The following ABHD2 variants were observed in gnomAD, a reference collection of about 807,000 sequenced individuals.
ABHD2 encodes the protein monoacylglycerol lipase ABHD2.
Under a neutral mutation model 48.1 loss-of-function variants are expected in ABHD2, and 20 were observed. The ratio of observed to expected loss-of-function variants is 0.42; its 90% CI spans 0.29 to 0.60. ABHD2 has a LOEUF of 0.60. ABHD2 is among the 20% of genes least tolerant of loss of function. The pLI, the probability that ABHD2 is intolerant of heterozygous loss-of-function variation, is 0.24. For synonymous variants in ABHD2, 209 were observed against 214.2 expected (o/e 0.98, Z 0.21); for missense variants, 405 against 550.9 (o/e 0.74, Z 2.65).
At chr15:89,060,119 T>C in the ABHD2 span, among the ~76,000 whole-genome samples, 7 of 135,752 alleles carry the variant, frequency 5.2e-5, no homozygotes, top group African/African-American at 1.7e-4. Flanking sequence ...AGACAGAGTT[T>C]CGCTCTTGTT....
At chr15:89,101,266 G>A (rs1028722509) in intron 1 of ABHD2, among the ~76,000 whole-genome samples, 3 of 152,162 alleles carry the variant, frequency 2.0e-5, no homozygotes, top group African/African-American at 7.2e-5. Flanking sequence ...AATATGCCTT[G>A]GGACAGTAAC....
At chr15:89,131,801 G>A (rs1425723402) in intron 3 of ABHD2, among the ~76,000 whole-genome samples, 1 of 152,134 alleles carries the variant, frequency 6.6e-6, no homozygotes, top group Non-Finnish European at 1.5e-5. Context: ...TGGGCGAGGG[G>A]AAAATGTAAG....
chr15:89,051,097 G>C, the ABHD2 span, among the ~76,000 whole-genome samples: 1 of 152,182 alleles, frequency 6.6e-6, no homozygotes, highest in Non-Finnish European at 1.5e-5. Flanking sequence ...GCTGGGCGTG[G>C]TGGTGCGCGC....
the ABHD2 span, among the ~76,000 whole-genome samples, chr15:89,045,705 G>T: frequency 8.7e-6 from 1 of 114,544 alleles, no homozygotes; most frequent in Non-Finnish European, 1.9e-5. Context: ...TCTGTCTGTT[G>T]TTGGTGTATG....
At chr15:89,080,629 G>A in the ABHD2 span, among the ~76,000 whole-genome samples, 1 of 152,006 alleles carries the variant, frequency 6.6e-6, no homozygotes, top group East Asian at 1.9e-4. Context: ...GGAGGCTAAC[G>A]GCTGTATGTG....
intron 5 of ABHD2, among the ~76,000 whole-genome samples, chr15:89,163,790 C>T (rs558931042): frequency 6.6e-6 from 1 of 152,322 alleles, no homozygotes; most frequent in Non-Finnish European, 1.5e-5. Flanking sequence ...GTTGTGAATA[C>T]TTTGTAGGAT....
rs2050813595 is a variant in ABHD2 at position 89,164,802 on chromosome 15, TAA to T, written c.538+9271_538+9272del. On this transcript the variant is annotated intron_variant, in intron 5 of 10. Coordinates refer to ENST00000352732, the MANE Select transcript of ABHD2 (RefSeq NM_152924.5). The surrounding 1 kb of genome is among the most constrained non-coding windows in gnomAD (Gnocchi z 5.0). ...TAAAAAAAAAAAAATGGCAATAATA[TAA>T]AAGTGCATGGCATAGAGTCCAGCAA... 6.6e-6 allele frequency among the ~76,000 whole-genome samples: 1 copy of T among 151,548 alleles called. No homozygotes were observed. The highest frequency in any genetic ancestry group is 2.1e-4 in the South Asian group (1 of 4,818).
chr15:89,190,761 G>T (rs1432264753), intron 8 of ABHD2, among the ~76,000 whole-genome samples: 1 of 152,198 alleles, frequency 6.6e-6, no homozygotes, highest in Non-Finnish European at 1.5e-5. Context: ...AGAAGCTGAG[G>T]CTCAGATAAG....
Position 89,201,489 on chromosome 15 carries a change from A to G in ABHD2, c.*6066A>G, listed in dbSNP as rs2051464898. The G allele has an allele frequency of 1.3e-6, 2 of 1,560,810 alleles. No individual in the cohort carries two copies. Among genetic ancestry groups the G allele is most frequent in the South Asian group, 2.2e-5 (2 of 89,420 alleles). On this transcript the variant is annotated 3_prime_UTR_variant, in exon 11 of 11. Coordinates refer to ENST00000352732, the MANE Select transcript of ABHD2 (RefSeq NM_152924.5). ...CATTCCACACAGCTTCCATATCTGA[A>G]GTGTTTAGTGGAGCAAAAATTGTAC... is the stretch of plus-strand genomic sequence containing the variant.
At chr15:89,057,771 GAA>G in the ABHD2 span, among the ~76,000 whole-genome samples, 1 of 137,584 alleles carries the variant, frequency 7.3e-6, no homozygotes, top group Non-Finnish European at 1.6e-5. Flanking sequence ...AAGAAGGAAT[GAA>G]AAAAAAAAAA....
chr15:89,154,075 G>A (rs1297861837), intron 4 of ABHD2, among the ~76,000 whole-genome samples: 2 of 152,142 alleles, frequency 1.3e-5, no homozygotes, highest in African/African-American at 2.4e-5. Flanking sequence ...CTAGGTCGAA[G>A]CTTATAAATT....
At chr15:89,043,028 G>A in the ABHD2 span, among the ~76,000 whole-genome samples, 4 of 152,070 alleles carry the variant, frequency 2.6e-5, no homozygotes, top group African/African-American at 7.2e-5. Flanking sequence ...CATATTCCAC[G>A]GCTTGCCGTA....
chr15:89,156,771 T>C (rs2050681529), intron 5 of ABHD2, among the ~76,000 whole-genome samples: 1 of 152,094 alleles, frequency 6.6e-6, no homozygotes. Flanking sequence ...TCTGGACTGC[T>C]TGTTCTTGAT....
At chr15:89,069,122 C>CAT in the ABHD2 span, among the ~76,000 whole-genome samples, 15 of 124,910 alleles carry the variant, frequency 1.2e-4, no homozygotes, top group South Asian at 2.6e-4. Flanking sequence ...CTTTTCTTTT[C>CAT]TTTTTTTTTT....
intron 3 of ABHD2, chr15:89,135,807 T>G: frequency 2.5e-6 from 2 of 786,454 alleles, no homozygotes; most frequent in South Asian, 2.7e-5. Flanking sequence ...ACATCATTAG[T>G]GGACAGGCCA....
At chr15:89,063,470 C>G in the ABHD2 span, among the ~76,000 whole-genome samples, 4 of 151,890 alleles carry the variant, frequency 2.6e-5, no homozygotes, top group South Asian at 2.1e-4. Flanking sequence ...TAAGTCCTGC[C>G]AGACTCTTTT....
At chr15:89,058,672 G>A in the ABHD2 span, among the ~76,000 whole-genome samples, 1 of 152,146 alleles carries the variant, frequency 6.6e-6, no homozygotes, top group Admixed American at 6.5e-5. Flanking sequence ...TCTGGGTTGT[G>A]ACAGGCCAAG....
intron 3 of ABHD2, among the ~76,000 whole-genome samples, chr15:89,150,881 C>CA (rs1567092416): frequency 6.6e-6 from 1 of 152,192 alleles, no homozygotes; most frequent in African/African-American, 2.4e-5. Flanking sequence ...TAAATGCAGT[C>CA]ACCTTGTACT....
At chr15:89,140,334 G>A (rs530630404) in intron 3 of ABHD2, among the ~76,000 whole-genome samples, 4 of 152,244 alleles carry the variant, frequency 2.6e-5, no homozygotes, top group Middle Eastern at 6.8e-3. Flanking sequence ...TAAGTTCCAG[G>A]CAAATACTGG....
Sources: allele counts gnomAD v4.1 joint callset (sites outside exome capture counted in the v4.1 genomes callset), GRCh38; gene constraint gnomAD v4.1.1; non-coding constraint Gnocchi (gnomAD v3.1); transcripts MANE v1.5; gene names NCBI Gene and HGNC (gene_info 2026-07-23, HGNC 2026-07-21).